Variants in DNAH9 observed in about 807,000 individuals in gnomAD.
DNAH9 encodes DNAH9 variant protein.
Under a neutral mutation model 471.6 loss-of-function variants are expected in DNAH9, and 345 were observed. That is an observed-to-expected ratio of 0.73 (90% CI 0.67 to 0.80). The LOEUF (loss-of-function observed/expected upper bound fraction) is 0.80. DNAH9 is among the 30% of genes least tolerant of loss of function. DNAH9 has a pLI of 0.00. For missense variants in DNAH9, 5,407 were observed against 5,609.2 expected (o/e 0.96, Z 1.15); for synonymous variants, 2,093 against 2,123.6 (o/e 0.99, Z 0.40).
At position 11,937,255 on chromosome 17, in the gene DNAH9, A is replaced by T; in HGVS notation, c.12490-97A>T. 6.9e-7 allele frequency: 1 copy of T among 1,441,816 alleles called. No homozygotes were observed. Among genetic ancestry groups the T allele is most frequent in the Non-Finnish European group, 9.4e-7 (1 of 1,066,212 alleles). The allele number at this position is 1,441,816 out of a possible 1,614,324, so 89.3% of individuals were successfully genotyped here. On this transcript the variant is annotated intron_variant, in intron 65 of 68. Transcript: ENST00000262442. This position sits in a 1 kb window ranked among gnomAD's most constrained non-coding sequence, Gnocchi z 4.1. ...GTGAGCAGTGTCCCCTGGAGGAGGG[A>T]TACTAGCCCATGGACTCCCTGCAGA...
At chr17:11,729,262 C>T (rs1372313246) in intron 28 of DNAH9, among the ~76,000 whole-genome samples, 1 of 152,136 alleles carries the variant, frequency 6.6e-6, no homozygotes, top group African/African-American at 2.4e-5. Flanking sequence ...CGTTTGCCAG[C>T]TTCTATTCCA....
Position 11,834,861 on chromosome 17 carries a change from TCA to T in DNAH9, c.9473_9474del (p.Thr3158SerfsTer43). ...GACCTGGCAAAGGCTGAGCCAGCAC[TCA>T]CAGCAGCGCAGGCAGCTCTCAACAC... On this transcript the variant is annotated frameshift_variant, in exon 49 of 69. Transcript: ENST00000262442. LOFTEE classifies it high-confidence loss of function. The T allele has an allele frequency of 6.2e-7, 1 of 1,613,712 alleles. No individual in the cohort carries two copies. The highest frequency in any genetic ancestry group is 8.5e-7 in the Non-Finnish European group (1 of 1,179,938).
At chr17:11,800,260 C>T (rs959074477) in intron 43 of DNAH9, among the ~76,000 whole-genome samples, 1 of 151,926 alleles carries the variant, frequency 6.6e-6, no homozygotes, top group African/African-American at 2.4e-5. Context: ...AACTTCAGTT[C>T]ATGAACACCC....
At chr17:11,921,582 G>C (rs1406447990) in intron 61 of DNAH9, among the ~76,000 whole-genome samples, 1 of 152,148 alleles carries the variant, frequency 6.6e-6, no homozygotes. Flanking sequence ...TGAGACACTG[G>C]AGGGACTTGC....
At chr17:11,811,880 C>T (rs1239152574) in intron 45 of DNAH9, among the ~76,000 whole-genome samples, 1 of 148,850 alleles carries the variant, frequency 6.7e-6, no homozygotes, top group Non-Finnish European at 1.5e-5. Flanking sequence ...ATCCCAGCTA[C>T]TTGGGAGGGT....
At chr17:11,619,922 A>C (rs2072820240) in intron 6 of DNAH9, 141 bp downstream of exon 6, 1 of 618,046 alleles carries the variant, frequency 1.6e-6, no homozygotes, top group African/African-American at 1.8e-5. Flanking sequence ...ATAAAGGTTC[A>C]ATTGGCCAGT....
intron 45 of DNAH9, among the ~76,000 whole-genome samples, chr17:11,820,549 G>A (rs1567825011): frequency 1.3e-5 from 2 of 152,126 alleles, no homozygotes; most frequent in Non-Finnish European, 2.9e-5. Flanking sequence ...TGAGTGAGGT[G>A]AAGCATCTAT....
At chr17:11,963,388 C>T (rs184479075) in intron 68 of DNAH9, among the ~76,000 whole-genome samples, 1,632 of 151,440 alleles carry the variant, frequency 0.011, 35 homozygotes, top group African/African-American at 0.038. Context: ...GAGCCGAGAT[C>T]GCACCATTGC....
chr17:11,811,806 C>G (rs1969912514), intron 45 of DNAH9, among the ~76,000 whole-genome samples: 1 of 151,150 alleles, frequency 6.6e-6, no homozygotes, highest in Non-Finnish European at 1.5e-5. Flanking sequence ...CTGTCCTGCT[C>G]AGAACCAATA....
intron 28 of DNAH9, among the ~76,000 whole-genome samples, chr17:11,738,453 T>C (rs2075383446): frequency 6.6e-6 from 1 of 152,208 alleles, no homozygotes; most frequent in African/African-American, 2.4e-5. Flanking sequence ...TGATCTCGGC[T>C]CACGGCAACC....
chr17:11,854,279 G>A lies in DNAH9; in HGVS notation c.9784G>A (p.Ala3262Thr). The A allele has an allele frequency of 6.2e-7, 1 of 1,614,164 alleles. No homozygotes were observed. The highest frequency in any genetic ancestry group is 1.1e-5 in the South Asian group (1 of 91,080). ...PEFVATKSYA[A>T]AGLCSWVINI... ...GTTTGTGGCCACCAAATCCTATGCG[G>A]CTGCAGGCCTCTGCTCCTGGGTCAT... Residue 3262 changes from alanine to threonine, a missense_variant, in exon 50 of 69, where the codon GCT becomes ACT. Around this residue, in one of 3 missense-constraint regions of DNAH9, gnomAD observed 4,636 missense variants for 4,900.3 expected, o/e 0.95. Transcript: ENST00000262442.
chr17:11,792,862 A>T lies in DNAH9; in HGVS notation c.8062-641A>T, dbSNP rs1969110718. Among the ~76,000 whole-genome samples, 4 of 152,356 alleles carry T rather than the reference A, an allele frequency of 2.6e-5. 1 individual carries two copies. In the South Asian group the frequency reaches 8.3e-4, roughly 32 times the overall value. On this transcript the variant is annotated intron_variant, in intron 41 of 68. Coordinates refer to ENST00000262442, the MANE Select transcript of DNAH9 (RefSeq NM_001372.4). ...AGTTAGGAAGGCAACTTACTCTATG[A>T]AATGGGGCGTGTTTTCTCTCTGAAT...
In DNAH9 at chr17:11,886,940, A is replaced by G; in HGVS notation, c.11087A>G (p.His3696Arg). 6.2e-7 allele frequency: 1 copy of G among 1,611,248 alleles called. No homozygotes were observed. The highest frequency in any genetic ancestry group is 8.5e-7 in the Non-Finnish European group (1 of 1,178,766). The change falls in exon 57 of 69, where the codon CAT (histidine) becomes CGT (arginine). Residue 3696 changes from histidine to arginine, a missense_variant. Around this residue, in one of 3 missense-constraint regions of DNAH9, gnomAD observed 4,636 missense variants for 4,900.3 expected, o/e 0.95. Coordinates refer to ENST00000262442, the MANE Select transcript of DNAH9 (RefSeq NM_001372.4). ...YFIMNDLSKI[H>R]PMYQFSLKAF... ...ATCATGAACGACCTCAGCAAGATCCATCCAATGTACCAGTTTTCTCTCAAG... is the reference window on the plus strand; with the variant it reads ...ATCATGAACGACCTCAGCAAGATCCGTCCAATGTACCAGTTTTCTCTCAAG...
intron 68 of DNAH9, among the ~76,000 whole-genome samples, chr17:11,963,280 C>T (rs1000718353): frequency 6.6e-6 from 1 of 151,840 alleles, no homozygotes; most frequent in Non-Finnish European, 1.5e-5. Context: ...ACTAAAAATA[C>T]AAAATTAGCC....
chr17:11,727,652 A>G (rs1184010063), intron 27 of DNAH9, among the ~76,000 whole-genome samples, 166 bp from the exon 28 acceptor site: 2 of 152,204 alleles, frequency 1.3e-5, no homozygotes, highest in Non-Finnish European at 2.9e-5. Flanking sequence ...TTGACACCCC[A>G]TAACCATCAA....
At chr17:11,731,029 A>G (rs201217898) in intron 28 of DNAH9, among the ~76,000 whole-genome samples, 1 of 68,420 alleles carries the variant, frequency 1.5e-5, no homozygotes, top group Non-Finnish European at 3.2e-5. Context: ...GGTGATGATG[A>G]TGGTGGTGTC....
intron 45 of DNAH9, among the ~76,000 whole-genome samples, chr17:11,820,345 C>G (rs145675885): frequency 3.4e-4 from 51 of 151,912 alleles, no homozygotes; most frequent in African/African-American, 1.2e-3. Context: ...TTTAATTTTA[C>G]TTTCACATAT....
intron 11 of DNAH9, among the ~76,000 whole-genome samples, chr17:11,645,393 T>A (rs1218477903): frequency 6.6e-6 from 1 of 152,212 alleles, no homozygotes; most frequent in Non-Finnish European, 1.5e-5. Flanking sequence ...CCACCACCAG[T>A]GTCTTCACAA....
chr17:11,834,508 CAGGAGCTGTCATCT>C (rs1250137471), intron 48 of DNAH9, 116 bp from the exon 49 acceptor site: 1 of 1,073,756 alleles, frequency 9.3e-7, no homozygotes, highest in African/African-American at 1.6e-5. Context: ...ACCTTTGTAT[CAGGAGCTGTCATCT>C]ATTCTGCTCC....
Sources: gnomAD v4.1 joint callset for allele counts (sites outside exome capture counted in the v4.1 genomes callset) on GRCh38, gnomAD v4.1.1 for gene constraint, gnomAD v4.1.1 regional missense constraint, Gnocchi (gnomAD v3.1) non-coding constraint, MANE v1.5 for transcripts, NCBI Gene and HGNC (gene_info 2026-07-23, HGNC 2026-07-21) for gene names.